Variants in DCC observed in about 807,000 individuals in gnomAD.
The protein encoded by DCC is DCC netrin 1 receptor, also known as netrin receptor DCC.
In DCC, 58 loss-of-function variants were observed where a neutral mutation model predicts 172.5. That is an observed-to-expected ratio of 0.34 (90% CI 0.27 to 0.42). The LOEUF is 0.42. Ranked by LOEUF, DCC falls within the 10% of genes least tolerant of loss-of-function variation. The pLI is 1.00. For missense variants in DCC, 1,740 were observed against 1,791.0 expected, an observed-to-expected ratio of 0.97 and a Z score of 0.51; for synonymous variants, 709 against 644.5, an observed-to-expected ratio of 1.10 and a Z score of -1.52.
intron 19 of DCC, among the ~76,000 whole-genome samples, chr18:53,410,088 C>T (rs1909892064): frequency 6.6e-6 from 1 of 152,116 alleles, no homozygotes; most frequent in African/African-American, 2.4e-5. Flanking sequence ...TGTTTATTTT[C>T]ATCATTGGAC....
chr18:53,392,533 GTCA>G (rs1908618292), intron 17 of DCC, among the ~76,000 whole-genome samples: 1 of 152,046 alleles, frequency 6.6e-6, no homozygotes, highest in African/African-American at 2.4e-5. Context: ...ATTTGAGACA[GTCA>G]TTACCAGTTT....
intron 1 of DCC, among the ~76,000 whole-genome samples, chr18:52,516,803 T>G (rs919671651): frequency 1.4e-4 from 21 of 152,224 alleles, no homozygotes; most frequent in Non-Finnish European, 3.1e-4. Flanking sequence ...TTTTGAGAAG[T>G]AAGTTACCTT....
intron 7 of DCC, among the ~76,000 whole-genome samples, chr18:53,120,931 A>T (rs1010216416): frequency 6.6e-6 from 1 of 151,964 alleles, no homozygotes; most frequent in Non-Finnish European, 1.5e-5. Context: ...TTAGAAAAAC[A>T]TTGAAGTAAG....
intron 7 of DCC, among the ~76,000 whole-genome samples, chr18:53,093,802 G>A (rs1328376858): frequency 6.6e-6 from 1 of 152,132 alleles, no homozygotes; most frequent in Non-Finnish European, 1.5e-5. Flanking sequence ...ACACTAAAGA[G>A]CTTCATCTAT....
intron 2 of DCC, among the ~76,000 whole-genome samples, chr18:52,810,596 G>A (rs2038177305): frequency 2.0e-5 from 3 of 152,116 alleles, no homozygotes; most frequent in African/African-American, 7.2e-5. Flanking sequence ...CATGTGGCTG[G>A]GTCTGAGGTC....
chr18:53,235,789 C>T (rs2056193912), intron 12 of DCC, among the ~76,000 whole-genome samples: 2 of 152,150 alleles, frequency 1.3e-5, no homozygotes, highest in Admixed American at 6.6e-5. Context: ...TTCCCCTCTT[C>T]CCTAAGAAAC....
chr18:53,357,306 A>C (rs1225847932), intron 15 of DCC, among the ~76,000 whole-genome samples: 2 of 152,144 alleles, frequency 1.3e-5, no homozygotes, highest in Non-Finnish European at 2.9e-5. Context: ...TAGGTCTTTT[A>C]TCCTGTGGAG....
At chr18:53,108,050 C>T (rs770784855) in intron 7 of DCC, among the ~76,000 whole-genome samples, 5 of 151,610 alleles carry the variant, frequency 3.3e-5, no homozygotes, top group South Asian at 2.1e-4. Flanking sequence ...TAAAACTCAA[C>T]GTATTTTTCA....
intron 12 of DCC, among the ~76,000 whole-genome samples, chr18:53,300,219 T>C (rs1390752103): frequency 6.6e-6 from 1 of 152,198 alleles, no homozygotes; most frequent in Non-Finnish European, 1.5e-5. Context: ...GCCTGCTTGC[T>C]AAAATTTATT....
intron 8 of DCC, among the ~76,000 whole-genome samples, chr18:53,168,650 C>A (rs1424897072): frequency 6.6e-6 from 1 of 151,928 alleles, no homozygotes; most frequent in East Asian, 1.9e-4. Context: ...AGCAAACCAC[C>A]ATGGCACATG....
At chr18:53,015,744 TTA>T (rs1369238559) in intron 5 of DCC, among the ~76,000 whole-genome samples, 3 of 152,108 alleles carry the variant, frequency 2.0e-5, no homozygotes, top group African/African-American at 7.2e-5. Flanking sequence ...CTAAAAAATA[TTA>T]CTTGTGAACT....
rs554622395 is a variant in DCC, at chr18:52,710,875, G to A, written c.92-41179G>A. Reference sequence around the variant, plus strand: ...AAATAACTTTATTGTATTTCCAGAAGCACTTTCCCTATTTTGCCTCTGACA... The same window carrying A: ...AAATAACTTTATTGTATTTCCAGAAACACTTTCCCTATTTTGCCTCTGACA... On this transcript the variant is annotated intron_variant, in intron 1 of 28. Coordinates refer to ENST00000442544, the MANE Select transcript of DCC (RefSeq NM_005215.4). Among the ~76,000 whole-genome samples, 42 of 152,272 alleles carry A rather than the reference G, an allele frequency of 2.8e-4. No homozygotes were observed. The South Asian group carries it at 5.6e-3, about 20-fold the overall frequency.
intron 27 of DCC, among the ~76,000 whole-genome samples, chr18:53,516,519 C>T (rs1440901355): frequency 1.3e-5 from 2 of 148,516 alleles, no homozygotes; most frequent in East Asian, 1.9e-4. Flanking sequence ...AGGCAACCTA[C>T]AAAATGGGAG....
At chr18:52,962,309 C>A (rs1357252359) in intron 5 of DCC, among the ~76,000 whole-genome samples, 2 of 151,896 alleles carry the variant, frequency 1.3e-5, no homozygotes, top group Non-Finnish European at 2.9e-5. Flanking sequence ...TGAACAGACA[C>A]TTCTCAAAAG....
At chr18:53,307,564 A>C (rs2057214478) in intron 13 of DCC, among the ~76,000 whole-genome samples, 1 of 152,046 alleles carries the variant, frequency 6.6e-6, no homozygotes, top group Admixed American at 6.6e-5. Context: ...TTTGCTTCTC[A>C]AATGATAAAC....
chr18:53,289,281 A>G (rs575903938), intron 12 of DCC, among the ~76,000 whole-genome samples: 2 of 152,310 alleles, frequency 1.3e-5, no homozygotes, highest in African/African-American at 4.8e-5. Flanking sequence ...GCAGTTTCTA[A>G]GCATGGAATC....
intron 27 of DCC, among the ~76,000 whole-genome samples, chr18:53,502,155 T>C (rs1326449384): frequency 2.6e-5 from 4 of 152,192 alleles, no homozygotes; most frequent in Non-Finnish European, 4.4e-5. Context: ...TCAAGCCATC[T>C]CTTCTTTCCT....
chr18:53,305,337 G>A (rs1423882874), intron 12 of DCC, among the ~76,000 whole-genome samples: 2 of 152,310 alleles, frequency 1.3e-5, no homozygotes, highest in East Asian at 3.9e-4. Flanking sequence ...TTTTAGCAGT[G>A]TATGCAAAGG....
chr18:53,089,071 C>T (rs1358916025), intron 7 of DCC, among the ~76,000 whole-genome samples: 1 of 152,092 alleles, frequency 6.6e-6, no homozygotes, highest in Non-Finnish European at 1.5e-5. Flanking sequence ...TGATTGTACT[C>T]ACTTTTTTGT....
Sources: allele counts gnomAD v4.1 joint callset (sites outside exome capture counted in the v4.1 genomes callset), GRCh38; gene constraint gnomAD v4.1.1; transcripts MANE v1.5; gene names NCBI Gene and HGNC (gene_info 2026-07-23, HGNC 2026-07-21).